The following DPP6 variants were observed in gnomAD, a reference collection of about 807,000 sequenced individuals.
DPP6 encodes dipeptidyl peptidase like 6, also known as A-type potassium channel modulatory protein DPP6.
A neutral mutation model predicts 122.6 loss-of-function variants in DPP6; 69 were observed. That is an observed-to-expected ratio of 0.56 (90% CI 0.46 to 0.69). The LOEUF (loss-of-function observed/expected upper bound fraction) is 0.69, where lower values mean the gene tolerates loss of function less well. Among genes scored for constraint, DPP6 ranks in the 30% least tolerant of loss-of-function variants. DPP6 has a pLI of 0.00. For missense variants in DPP6, 928 were observed against 1,116.9 expected (o/e 0.83, Z 2.41); for synonymous variants, 418 against 433.1 (o/e 0.97, Z 0.43).
chr7:154,848,942 G>C (rs1483636428), intron 16 of DPP6, among the ~76,000 whole-genome samples: 3 of 152,086 alleles, frequency 2.0e-5, no homozygotes, highest in African/African-American at 7.3e-5. Context: ...GTGTGTCCTT[G>C]GCATCTTTGT....
intron 7 of DPP6, among the ~76,000 whole-genome samples, chr7:154,726,533 C>T (rs1201893762): frequency 6.6e-6 from 1 of 152,242 alleles, no homozygotes; most frequent in African/African-American, 2.4e-5. Context: ...GGCACCAAGG[C>T]TGCACAGAGA....
intron 1 of DPP6, among the ~76,000 whole-genome samples, chr7:154,190,046 G>A (rs10255360): frequency 0.25 from 37,508 of 151,934 alleles, 5,734 homozygotes; most frequent in African/African-American, 0.43. Context: ...ATTAAAAGCT[G>A]GAAGTTAATA....
rs187539850 is a variant in DPP6, at chr7:154,390,821, C to A, written c.244-55393C>A. On this transcript the variant is annotated intron_variant, in intron 1 of 25. Transcript: ENST00000377770. ...TATCATCCAGGTTCCACACGGTCCT[C>A]TTCTGAGAGACCCTCCCGACTACTC... Among the ~76,000 whole-genome samples the A allele has an allele frequency of 2.5e-4, 38 of 152,296 alleles. No homozygotes were observed. The South Asian group carries it at 7.5e-3, about 30-fold the overall frequency.
chr7:153,826,276 T>TC, the DPP6 span, among the ~76,000 whole-genome samples: 1 of 152,302 alleles, frequency 6.6e-6, no homozygotes, highest in African/African-American at 2.4e-5. Context: ...GGAATGGGCC[T>TC]CATAGGTTGG....
intron 7 of DPP6, among the ~76,000 whole-genome samples, chr7:154,715,569 G>T (rs545105500): frequency 1.3e-5 from 2 of 152,206 alleles, no homozygotes; most frequent in Admixed American, 6.5e-5. Flanking sequence ...GACAATTTTC[G>T]ACTGCAGTAG....
intron 2 of DPP6, among the ~76,000 whole-genome samples, chr7:154,471,789 A>T (rs375397745): frequency 5.3e-4 from 81 of 152,336 alleles, no homozygotes; most frequent in African/African-American, 1.8e-3. Flanking sequence ...AGAGAAAATG[A>T]CATTTTAGAT....
chr7:154,329,563 G>T (rs1427178225), intron 1 of DPP6, among the ~76,000 whole-genome samples: 1 of 152,208 alleles, frequency 6.6e-6, no homozygotes, highest in Non-Finnish European at 1.5e-5. Context: ...TGGAGAAATA[G>T]GAACGCTTTC....
chr7:154,561,988 C>G (rs1005002972), intron 4 of DPP6, among the ~76,000 whole-genome samples: 21 of 152,272 alleles, frequency 1.4e-4, no homozygotes, highest in African/African-American at 4.3e-4. Flanking sequence ...CAAATTGATT[C>G]ACTTGATCAA....
At chr7:153,925,000 T>C (rs1800824089) in intron 1 of DPP6, among the ~76,000 whole-genome samples, 1 of 152,166 alleles carries the variant, frequency 6.6e-6, no homozygotes, top group Admixed American at 6.5e-5. Flanking sequence ...GTTGTTGACA[T>C]TGTACTTCAG....
chr7:154,485,756 A>G (rs1823729690), intron 3 of DPP6, among the ~76,000 whole-genome samples: 1 of 152,100 alleles, frequency 6.6e-6, no homozygotes, highest in Non-Finnish European at 1.5e-5. Context: ...TATCTCAGTT[A>G]CTTCAGTTCA....
chr7:154,298,268 C>CCACACACACACACACACACACA (rs773227930), intron 1 of DPP6, among the ~76,000 whole-genome samples: 3,693 of 150,338 alleles, frequency 0.025, 60 homozygotes, highest in Non-Finnish European at 0.029. Context: ...CTCTCTCTCT[C>CCACACACACACACACACACACA]CACACACACA....
chr7:154,624,052 G>A lies in DPP6; in HGVS notation c.628-13769G>A, dbSNP rs927296411. ...CTACTAAAAATACAAAAATTAGGCC[G>A]GGTGTAGTGGCTCACGCCAGTAATC... is the stretch of plus-strand genomic sequence containing the variant. On this transcript the variant is annotated intron_variant, in intron 5 of 25. Coordinates refer to ENST00000377770, the MANE Select transcript of DPP6 (RefSeq NM_130797.4). This position sits in a 1 kb window ranked among gnomAD's most constrained non-coding sequence, Gnocchi z 4.7. 9.2e-5 allele frequency among the ~76,000 whole-genome samples: 14 copies of A among 152,264 alleles called. No homozygotes were observed. The highest frequency in any genetic ancestry group is 3.4e-4 in the African/African-American group (14 of 41,552).
In DPP6 at chr7:154,581,869, T is replaced by C. The variant is rs148020812; in HGVS notation, c.627+14953T>C. Among the ~76,000 whole-genome samples, 28 of 152,262 alleles carry C rather than the reference T, an allele frequency of 1.8e-4. No homozygotes were observed. The East Asian group carries it at 5.4e-3, about 29-fold the overall frequency. ...TCCCGGGGTTACCGAAAAGGCCCCATTCTCCTTCCACCTGCCTTCTCCTGC... is the reference window on the plus strand; with the variant it reads ...TCCCGGGGTTACCGAAAAGGCCCCACTCTCCTTCCACCTGCCTTCTCCTGC... On this transcript the variant is annotated intron_variant, in intron 5 of 25. Transcript: ENST00000377770.
At position 154,023,318 on chromosome 7, in the gene DPP6, G is replaced by GCACGCACACACACACACACACACA. The variant is rs373378162; in HGVS notation, c.51+135587_51+135588insGCACACACACACACACACACACAC. On this transcript the variant is annotated intron_variant, in intron 1 of 25. Coordinates refer to the DPP6 transcript ENST00000404039. ...CAGGCTCTGGAAATGTTTCTTGTCT[G>GCACGCACACACACACACACACACA]CACACACACACACACACACACACAC... Among the ~76,000 whole-genome samples, 398 of 129,580 alleles carry GCACGCACACACACACACACACACA rather than the reference G, an allele frequency of 3.1e-3. 16 individuals carry two copies. Among genetic ancestry groups the GCACGCACACACACACACACACACA allele is most frequent in the African/African-American group, 0.012 (371 of 31,148 alleles). The allele number at this position is 129,580 out of a possible 152,430, so 85.0% of individuals were successfully genotyped here.
intron 1 of DPP6, among the ~76,000 whole-genome samples, chr7:154,192,751 C>T (rs531984107): frequency 2.0e-5 from 3 of 152,266 alleles, no homozygotes; most frequent in East Asian, 1.9e-4. Flanking sequence ...AATAGAAATA[C>T]GGAATTTTAT....
At chr7:154,537,672 A>G (rs1828367556) in intron 3 of DPP6, among the ~76,000 whole-genome samples, 1 of 151,752 alleles carries the variant, frequency 6.6e-6, no homozygotes, top group Non-Finnish European at 1.5e-5. Context: ...CCTGGGCAAC[A>G]AGAGTGAAAC....
chr7:153,814,910 G>T, the DPP6 span, among the ~76,000 whole-genome samples: 2 of 152,016 alleles, frequency 1.3e-5, no homozygotes, highest in African/African-American at 4.8e-5. Flanking sequence ...ATTCAACAAT[G>T]CTTCATGCTA....
Position 154,452,606 on chromosome 7 carries a change from G to T in DPP6, c.358+6278G>T, listed in dbSNP as rs139127779. Reference sequence around the variant, plus strand: ...TATTGCAACTCAGAGTACAGTATCTGCTTTCTACTTAATTAGAAAATCCAT... The same window carrying T: ...TATTGCAACTCAGAGTACAGTATCTTCTTTCTACTTAATTAGAAAATCCAT... On this transcript the variant is annotated intron_variant, in intron 2 of 25. Transcript: ENST00000377770. Among the ~76,000 whole-genome samples the T allele has an allele frequency of 1.1e-4, 17 of 152,316 alleles. 1 individual carries two copies. The East Asian group carries it at 2.7e-3, about 24-fold the overall frequency.
chr7:154,063,117 G>A (rs113251342), intron 1 of DPP6, among the ~76,000 whole-genome samples: 4 of 112,306 alleles, frequency 3.6e-5, no homozygotes, highest in Non-Finnish European at 7.7e-5. Context: ...CCCATCGCAG[G>A]GGGGGAGGCA....
Sources: allele counts gnomAD v4.1 joint callset (sites outside exome capture counted in the v4.1 genomes callset), GRCh38; gene constraint gnomAD v4.1.1; non-coding constraint Gnocchi (gnomAD v3.1); transcripts MANE v1.5; gene names NCBI Gene and HGNC (gene_info 2026-07-23, HGNC 2026-07-21).